The following SCRT2 variants were observed in gnomAD, a reference collection of about 807,000 sequenced individuals.
SCRT2 encodes transcriptional repressor scratch 2.
In SCRT2, 2 loss-of-function variants were observed where a neutral mutation model predicts 3.7. The ratio of observed to expected loss-of-function variants is 0.54; its 90% confidence interval spans 0.22 to 1.70. SCRT2 has a LOEUF of 1.70. Ranked by LOEUF, SCRT2 falls within the 40% of genes most tolerant of loss-of-function variation. The probability of loss-of-function intolerance (pLI) is 0.19; values close to 1 mark genes in which losing one functional copy is unlikely to be tolerated. For missense variants in SCRT2, 456 were observed against 468.5 expected (o/e 0.97, Z 0.25); for synonymous variants, 256 against 220.6 (o/e 1.16, Z -1.42).
At position 666,183 on chromosome 20, in the gene SCRT2, G is replaced by C. The variant is rs1189140548; in HGVS notation, c.134-1722C>G. ...GGGGCTCTGTGGTTGGATGTAAAGG[G>C]GGATAGTGATAGTGGCAATTTTTTA... On this transcript the variant is annotated intron_variant, in intron 1 of 1. Transcript: ENST00000246104. The surrounding 1 kb of genome is among the most constrained non-coding windows in gnomAD (Gnocchi z 4.4). Among the ~76,000 whole-genome samples, 1 of 152,124 alleles carries C rather than the reference G, an allele frequency of 6.6e-6. No homozygotes were observed. The highest frequency in any genetic ancestry group is 2.4e-5 in the African/African-American group (1 of 41,418).
rs972383353 is a variant in SCRT2 at position 663,703 on chromosome 20, G to C, written c.892C>G (p.Pro298Ala). ...GCCGGGCCGGCGGGGGTCGGCGGGG[G>C]TGGCTCGGCCGCCTTGGCGCAGGCC... is the stretch of plus-strand genomic sequence containing the variant. Reference protein sequence around the residue: ...EAACAKAAEPPPPTPAGPAS With the variant: ...EAACAKAAEPAPPTPAGPAS The change falls in exon 2 of 2, where the codon CCC becomes GCC. Residue 298 changes from proline (P) to alanine (A), a missense_variant. By Grantham distance (27) the Pro-to-Ala change is conservative (BLOSUM62 -1). Transcript: ENST00000246104. This position sits in a 1 kb window ranked among gnomAD's most constrained non-coding sequence, Gnocchi z 6.9. 1 of 1,519,632 alleles carries C rather than the reference G, an allele frequency of 6.6e-7. No individual in the cohort carries two copies. Among genetic ancestry groups the C allele is most frequent in the African/African-American group, 1.4e-5 (1 of 71,076 alleles). 94.1% of individuals were successfully genotyped at this position (1,519,632 alleles called of 1,614,324 possible). A position where few individuals can be genotyped will look rare whatever the true frequency, so the allele number is the denominator to read the frequency against.
rs915839087 is a variant in SCRT2 at position 675,330 on chromosome 20, G to A, written c.133+139C>T. The A allele has an allele frequency of 2.7e-6, 2 of 737,436 alleles. No homozygotes were observed. Among genetic ancestry groups the A allele is most frequent in the South Asian group, 6.1e-5 (1 of 16,396 alleles). The allele number at this position is 737,436 out of a possible 1,614,324, so 45.7% of individuals were successfully genotyped here. On this transcript the variant is annotated intron_variant, in intron 1 of 1. Transcript: ENST00000246104. The surrounding 1 kb of genome is among the most constrained non-coding windows in gnomAD (Gnocchi z 6.9). ...CGCCCGCACGGCCCTTGGAAAGCCCGGGAGGAGCCCACGGCCAGAGAGATC... is the reference window on the plus strand; with the variant it reads ...CGCCCGCACGGCCCTTGGAAAGCCCAGGAGGAGCCCACGGCCAGAGAGATC...
Position 675,088 on chromosome 20 carries a change from C to T in SCRT2, c.133+381G>A, listed in dbSNP as rs1984484339. Among the ~76,000 whole-genome samples, 1 of 152,100 alleles carries T rather than the reference C, an allele frequency of 6.6e-6. No individual in the cohort carries two copies. Among genetic ancestry groups the T allele is most frequent in the South Asian group, 2.1e-4 (1 of 4,816 alleles). On this transcript the variant is annotated intron_variant, in intron 1 of 1. Transcript: ENST00000246104. The surrounding 1 kb of genome is among the most constrained non-coding windows in gnomAD (Gnocchi z 6.9). ...TTTACCTTCCCCCTTCCCGGGCAGC[C>T]AGCTTCTCTTCCTCAACGGGGGAGA... is the stretch of plus-strand genomic sequence containing the variant.
intron 1 of SCRT2, among the ~76,000 whole-genome samples, chr20:674,393 TCTCTCTCACACACACA>T (rs1241200810): frequency 1.0e-5 from 1 of 98,558 alleles, no homozygotes; most frequent in African/African-American, 3.6e-5. Flanking sequence ...TCTCTCTCTC[TCTCTCTCACACACACA>T]CACACACACA....
chr20:673,882 A>C (rs1377103635), intron 1 of SCRT2, among the ~76,000 whole-genome samples: 1 of 152,116 alleles, frequency 6.6e-6, no homozygotes, highest in African/African-American at 2.4e-5. Flanking sequence ...CCATATCCCA[A>C]GCTTGCAGAT....
chr20:673,229 G>T (rs1984403318), intron 1 of SCRT2, among the ~76,000 whole-genome samples: 1 of 152,212 alleles, frequency 6.6e-6, no homozygotes, highest in Non-Finnish European at 1.5e-5. Flanking sequence ...GGTGGCGTAT[G>T]TTCAGTGGAG....
At position 675,763 on chromosome 20, in the gene SCRT2, T is replaced by TTGGC. The variant is rs1984523119; in HGVS notation, c.-163_-162insGCCA. The TTGGC allele has an allele frequency of 3.4e-5, 9 of 263,132 alleles. No individual in the cohort carries two copies. In the Admixed American group the frequency reaches 4.6e-4, roughly 13 times the overall value. 16.3% of individuals were successfully genotyped at this position (263,132 alleles called of 1,614,324 possible). On this transcript the variant is annotated 5_prime_UTR_variant, in exon 1 of 2. Transcript: ENST00000246104. The surrounding 1 kb of genome is among the most constrained non-coding windows in gnomAD (Gnocchi z 6.9). ...GGCGGCCCCGGCTCGGGCTCGGGCT[T>TTGGC]GGCGGCGGCGGCGCGCAGACAGGGG... is the stretch of plus-strand genomic sequence containing the variant.
chr20:675,017 C>G lies in SCRT2; in HGVS notation c.133+452G>C, dbSNP rs1312046082. ...GGAGGGAGGGCGCCCCCAGCCACCC[C>G]CAGGGAACCAACCCTGTCTCTCCAG... On this transcript the variant is annotated intron_variant, in intron 1 of 1. Coordinates refer to ENST00000246104, the MANE Select transcript of SCRT2 (RefSeq NM_033129.4). This position sits in a 1 kb window ranked among gnomAD's most constrained non-coding sequence, Gnocchi z 6.9. 6.6e-6 allele frequency among the ~76,000 whole-genome samples: 1 copy of G among 152,122 alleles called. No homozygotes were observed. The highest frequency in any genetic ancestry group is 1.5e-5 in the Non-Finnish European group (1 of 68,018).
intron 1 of SCRT2, among the ~76,000 whole-genome samples, chr20:674,395 T>TCACACACACA (rs1299579486): frequency 1.0e-5 from 1 of 98,186 alleles, no homozygotes; most frequent in African/African-American, 3.7e-5. Context: ...TCTCTCTCTC[T>TCACACACACA]CTCTCACACA....
chr20:663,618 G>A lies in SCRT2; in HGVS notation c.*53C>T, dbSNP rs956463485. 3.0e-6 allele frequency: 4 copies of A among 1,317,724 alleles called. No individual in the cohort carries two copies. The highest frequency in any genetic ancestry group is 3.9e-6 in the Non-Finnish European group (4 of 1,038,564). The allele number at this position is 1,317,724 out of a possible 1,614,324, so 81.6% of individuals were successfully genotyped here. A position where few individuals can be genotyped will look rare whatever the true frequency, so the allele number is the denominator to read the frequency against. On this transcript the variant is annotated 3_prime_UTR_variant, in exon 2 of 2. Coordinates refer to ENST00000246104, the MANE Select transcript of SCRT2 (RefSeq NM_033129.4). This position sits in a 1 kb window ranked among gnomAD's most constrained non-coding sequence, Gnocchi z 6.9. ...CGAGGGCGCTGCGGGCGCAGGTAGG[G>A]GGCCCGGGGCGCGTGGAGAGCGAGT...
At chr20:668,569 G>A (rs565837945) in intron 1 of SCRT2, among the ~76,000 whole-genome samples, 1 of 152,252 alleles carries the variant, frequency 6.6e-6, no homozygotes, top group East Asian at 1.9e-4. Flanking sequence ...TAACTTATCT[G>A]GGCTCAAATC....
chr20:664,398 A>G lies in SCRT2; in HGVS notation c.197T>C (p.Leu66Pro). Residue 66 changes from leucine (L) to proline (P), a missense_variant, in exon 2 of 2, where the codon CTG (leucine) becomes CCG (proline). Physicochemically the swap from Leu to Pro is moderately conservative, Grantham distance 98. Transcript: ENST00000246104. This position sits in a 1 kb window ranked among gnomAD's most constrained non-coding sequence, Gnocchi z 7.9. ...YDADQKPGLE[L>P]APAEPAYPPA... ...CGGGTACGCGGGCTCGGCCGGGGCCAGCTCCAGGCCCGGCTTCTGGTCCGC... is the reference window on the plus strand; with the variant it reads ...CGGGTACGCGGGCTCGGCCGGGGCCGGCTCCAGGCCCGGCTTCTGGTCCGC... 7.2e-7 allele frequency: 1 copy of G among 1,395,532 alleles called. No individual in the cohort carries two copies. Among genetic ancestry groups the G allele is most frequent in the Non-Finnish European group, 9.4e-7 (1 of 1,062,336 alleles). 86.4% of individuals were successfully genotyped at this position (1,395,532 alleles called of 1,614,324 possible). A position where few individuals can be genotyped will look rare whatever the true frequency, so the allele number is the denominator to read the frequency against.
Position 675,350 on chromosome 20 carries a change from G to A in SCRT2, c.133+119C>T. On this transcript the variant is annotated intron_variant, in intron 1 of 1. Transcript: ENST00000246104. The surrounding 1 kb of genome is among the most constrained non-coding windows in gnomAD (Gnocchi z 6.9). The stretch of plus-strand genomic sequence containing the variant: ...AGCCCGGGAGGAGCCCACGGCCAGA[G>A]AGATCTCCTCCCGGGGGTTTCCTGT... 2.3e-6 allele frequency: 2 copies of A among 879,308 alleles called. No homozygotes were observed. Among genetic ancestry groups the A allele is most frequent in the Non-Finnish European group, 3.0e-6 (2 of 661,296 alleles). The allele number at this position is 879,308 out of a possible 1,614,324, so 54.5% of individuals were successfully genotyped here.
rs112473676 is a variant in SCRT2, at chr20:667,181, G to A, written c.134-2720C>T. Among the ~76,000 whole-genome samples the A allele has an allele frequency of 0.025, 3,863 of 152,220 alleles. 157 individuals carry two copies. The highest frequency in any genetic ancestry group is 0.082 in the African/African-American group (3,395 of 41,500). On this transcript the variant is annotated intron_variant, in intron 1 of 1. Transcript: ENST00000246104. The surrounding 1 kb of genome is among the most constrained non-coding windows in gnomAD (Gnocchi z 4.4). The stretch of plus-strand genomic sequence containing the variant: ...CACTCTCAGAGCACTCCTGTGTCAG[G>A]CACTCTTACAAGGGCTTTCCACACA...
Position 675,246 on chromosome 20 carries a change from C to A in SCRT2, c.133+223G>T, listed in dbSNP as rs887581757. Among the ~76,000 whole-genome samples the A allele has an allele frequency of 6.6e-6, 1 of 152,166 alleles. No homozygotes were observed. The highest frequency in any genetic ancestry group is 2.4e-5 in the African/African-American group (1 of 41,454). On this transcript the variant is annotated intron_variant, in intron 1 of 1. Coordinates refer to ENST00000246104, the MANE Select transcript of SCRT2 (RefSeq NM_033129.4). The surrounding 1 kb of genome is among the most constrained non-coding windows in gnomAD (Gnocchi z 6.9). ...ACAACTTTCAAAGTCCCGGCTGGCG[C>A]GTGGCTGCGGGATGGGCCGACCCCG...
At position 665,595 on chromosome 20, in the gene SCRT2, C is replaced by G. The variant is rs1984131863; in HGVS notation, c.134-1134G>C. ...GTAGGGGATTCTCATGGGCAGGGGC[C>G]ATTCTGATTTGCCTCTGCCTCCCAT... On this transcript the variant is annotated intron_variant, in intron 1 of 1. Coordinates refer to ENST00000246104, the MANE Select transcript of SCRT2 (RefSeq NM_033129.4). The surrounding 1 kb of genome is among the most constrained non-coding windows in gnomAD (Gnocchi z 5.0). Among the ~76,000 whole-genome samples, 1 of 152,172 alleles carries G rather than the reference C, an allele frequency of 6.6e-6. No individual in the cohort carries two copies. Among genetic ancestry groups the G allele is most frequent in the Non-Finnish European group, 1.5e-5 (1 of 68,022 alleles).
chr20:672,554 G>C (rs1372790240), intron 1 of SCRT2, among the ~76,000 whole-genome samples: 1 of 152,032 alleles, frequency 6.6e-6, no homozygotes, highest in African/African-American at 2.4e-5. Flanking sequence ...CTAGGAGCTT[G>C]TGGTTTCTCT....
Position 675,418 on chromosome 20 carries a change from G to A in SCRT2, c.133+51C>T, listed in dbSNP as rs1984496916. The A allele has an allele frequency of 7.9e-6, 10 of 1,263,400 alleles. No individual in the cohort carries two copies. Among genetic ancestry groups the A allele is most frequent in the Non-Finnish European group, 9.1e-6 (9 of 991,154 alleles). 78.3% of individuals were successfully genotyped at this position (1,263,400 alleles called of 1,614,324 possible). A position where few individuals can be genotyped will look rare whatever the true frequency, so the allele number is the denominator to read the frequency against. ...GTGGCCCAAGCTGGGGAGGGCCCCA[G>A]CTCCCCTCGCCTCTTCTCCCAACCC... On this transcript the variant is annotated intron_variant, in intron 1 of 1. Transcript: ENST00000246104. This position sits in a 1 kb window ranked among gnomAD's most constrained non-coding sequence, Gnocchi z 6.9.
At chr20:669,555 G>A (rs1351978901) in intron 1 of SCRT2, among the ~76,000 whole-genome samples, 1 of 152,202 alleles carries the variant, frequency 6.6e-6, no homozygotes, top group Non-Finnish European at 1.5e-5. Context: ...GGGGCCTGGT[G>A]GGGGGCCAGC....
Sources: gnomAD v4.1 joint callset for allele counts (sites outside exome capture counted in the v4.1 genomes callset) on GRCh38, gnomAD v4.1.1 for gene constraint, Gnocchi (gnomAD v3.1) non-coding constraint, MANE v1.5 for transcripts, NCBI Gene and HGNC (gene_info 2026-07-23, HGNC 2026-07-21) for gene names.